Variants in SPATA16 observed in about 807,000 individuals in gnomAD.
SPATA16 encodes spermatogenesis associated 16, also known as spermatogenesis-associated protein 16.
SPATA16 carries 36 observed loss-of-function variants against 63.3 expected under a neutral mutation model. That is an observed-to-expected ratio of 0.57 (90% CI 0.44 to 0.75). The LOEUF (loss-of-function observed/expected upper bound fraction) is 0.75, where lower values mean the gene tolerates loss of function less well. Ranked by LOEUF, SPATA16 falls within the 30% of genes least tolerant of loss-of-function variation. The pLI is 0.00. For missense variants in SPATA16, 646 were observed against 679.3 expected, an observed-to-expected ratio of 0.95 and a Z score of 0.54; for synonymous variants, 203 against 216.7, an observed-to-expected ratio of 0.94 and a Z score of 0.56.
chr3:172,968,257 C>A (rs9876188), intron 5 of SPATA16, among the ~76,000 whole-genome samples: 10,149 of 152,230 alleles, frequency 0.067, 391 homozygotes, highest in Non-Finnish European at 0.078. Flanking sequence ...CCCTCAAATT[C>A]TTGTATGATC....
Position 173,111,804 on chromosome 3 carries a change from G to T in SPATA16, c.612+5316C>A, listed in dbSNP as rs1737756062. On this transcript the variant is annotated intron_variant, in intron 2 of 10. Transcript: ENST00000351008. ...AATCTCATAAGAAGGTCCTGGTGTG[G>T]GTTCAATCATGTTGGATACCTAACA... Among the ~76,000 whole-genome samples the T allele has an allele frequency of 2.0e-5, 3 of 152,076 alleles. No homozygotes were observed. In the South Asian group the frequency reaches 6.2e-4, roughly 32 times the overall value.
At chr3:172,993,981 T>A (rs1734641007) in intron 4 of SPATA16, among the ~76,000 whole-genome samples, 1 of 152,154 alleles carries the variant, frequency 6.6e-6, no homozygotes, top group South Asian at 2.1e-4. Flanking sequence ...TTAGGGAAAT[T>A]CAAGTCATGG....
At chr3:173,070,392 C>A (rs28842651) in intron 2 of SPATA16, among the ~76,000 whole-genome samples, 5 of 121,972 alleles carry the variant, frequency 4.1e-5, no homozygotes, top group South Asian at 2.8e-4. Flanking sequence ...AAGACTCTGT[C>A]TCAAAAAAAA....
intron 5 of SPATA16, among the ~76,000 whole-genome samples, chr3:172,960,620 T>C (rs1303188865): frequency 6.6e-6 from 1 of 152,124 alleles, no homozygotes; most frequent in Non-Finnish European, 1.5e-5. Flanking sequence ...TTGCCCAGGA[T>C]GACTGTACAA....
chr3:172,989,680 A>G lies in SPATA16; in HGVS notation c.849-12628T>C, dbSNP rs942145007. Among the ~76,000 whole-genome samples the G allele has an allele frequency of 5.9e-5, 9 of 152,194 alleles. No homozygotes were observed. The East Asian group carries it at 1.7e-3, about 29-fold the overall frequency. On this transcript the variant is annotated intron_variant, in intron 4 of 10. Transcript: ENST00000351008. ...CCTGTTAAATGTAGTGCATATTAGC[A>G]GTGCCTGATACTTGGGAAGCACTCA...
At chr3:172,918,519 A>G (rs1031711212) in intron 8 of SPATA16, among the ~76,000 whole-genome samples, 1 of 152,098 alleles carries the variant, frequency 6.6e-6, no homozygotes, top group South Asian at 2.1e-4. Context: ...GTTATCAGGA[A>G]ACTGTAGATT....
chr3:172,895,979 G>A (rs76045620), intron 10 of SPATA16, among the ~76,000 whole-genome samples: 14,155 of 151,854 alleles, frequency 0.093, 726 homozygotes, highest in African/African-American at 0.13. Context: ...TATGGTAGCT[G>A]CATATTTAAT....
intron 3 of SPATA16, among the ~76,000 whole-genome samples, chr3:173,040,625 A>G (rs746041973): frequency 6.6e-5 from 10 of 152,180 alleles, no homozygotes; most frequent in Non-Finnish European, 1.5e-4. Context: ...ATAACCTGCA[A>G]GAGAAGTCCT....
intron 3 of SPATA16, among the ~76,000 whole-genome samples, chr3:173,023,190 C>G (rs1735376989): frequency 6.8e-6 from 1 of 148,112 alleles, no homozygotes. Context: ...TTATTAAGCC[C>G]TAAATTTGTA....
At chr3:173,124,020 C>A (rs1007619739) in intron 1 of SPATA16, among the ~76,000 whole-genome samples, 1 of 152,164 alleles carries the variant, frequency 6.6e-6, no homozygotes, top group African/African-American at 2.4e-5. Flanking sequence ...AAAACTTCTA[C>A]ATGAATGGAT....
intron 10 of SPATA16, among the ~76,000 whole-genome samples, chr3:172,902,124 G>A (rs184777978): frequency 2.0e-4 from 31 of 152,204 alleles, no homozygotes; most frequent in African/African-American, 6.0e-4. Flanking sequence ...TGAAACCTCC[G>A]CCTCTCGGGT....
intron 10 of SPATA16, among the ~76,000 whole-genome samples, chr3:172,908,454 G>A (rs546844744): frequency 6.6e-6 from 1 of 152,182 alleles, no homozygotes; most frequent in South Asian, 2.1e-4. Flanking sequence ...ACTCTGTAAA[G>A]AATATATTTC....
chr3:173,087,326 A>C (rs1577167523), intron 2 of SPATA16, among the ~76,000 whole-genome samples: 1 of 152,164 alleles, frequency 6.6e-6, no homozygotes, highest in East Asian at 1.9e-4. Context: ...AGTCTATTTC[A>C]TCAGAAACTA....
In SPATA16 at chr3:173,026,605, T is replaced by C. The variant is rs530989905; in HGVS notation, c.759-7030A>G. Among the ~76,000 whole-genome samples, 7 of 152,066 alleles carry C rather than the reference T, an allele frequency of 4.6e-5. No homozygotes were observed. In the South Asian group the frequency reaches 1.4e-3, roughly 31 times the overall value. On this transcript the variant is annotated intron_variant, in intron 3 of 10. Transcript: ENST00000351008. ...CTATTGGAGTTGAATTTGTTTATGG[T>C]GTGAGGTAAAGATAAAGACATTTTA...
At chr3:173,010,474 GTT>G in intron 4 of SPATA16, among the ~76,000 whole-genome samples, 1 of 150,196 alleles carries the variant, frequency 6.7e-6, no homozygotes, top group Non-Finnish European at 1.5e-5. Flanking sequence ...GTGTGTGTTT[GTT>G]TTTGTTTTTG....
At chr3:173,049,312 TTAAG>T (rs142150303) in intron 2 of SPATA16, among the ~76,000 whole-genome samples, 4,181 of 152,268 alleles carry the variant, frequency 0.027, 193 homozygotes, top group African/African-American at 0.096. Flanking sequence ...CTGTTCACTA[TTAAG>T]TGAGTGACTG....
chr3:173,107,937 C>G (rs1313320061), intron 2 of SPATA16, among the ~76,000 whole-genome samples: 1 of 152,116 alleles, frequency 6.6e-6, no homozygotes, highest in Non-Finnish European at 1.5e-5. Flanking sequence ...CCTAAACAGT[C>G]TTCAAACTGA....
At chr3:173,108,036 A>G (rs571922170) in intron 2 of SPATA16, among the ~76,000 whole-genome samples, 47 of 152,308 alleles carry the variant, frequency 3.1e-4, no homozygotes, top group Non-Finnish European at 6.0e-4. Context: ...TAAAAATTTC[A>G]TTAACATTTA....
intron 4 of SPATA16, among the ~76,000 whole-genome samples, chr3:172,978,526 A>G (rs1429651028): frequency 6.6e-6 from 1 of 152,198 alleles, no homozygotes; most frequent in Non-Finnish European, 1.5e-5. Flanking sequence ...AAATCGATGG[A>G]AAATATAGAA....
Sources: allele counts gnomAD v4.1 joint callset (sites outside exome capture counted in the v4.1 genomes callset), GRCh38; gene constraint gnomAD v4.1.1; transcripts MANE v1.5; gene names NCBI Gene and HGNC (gene_info 2026-07-23, HGNC 2026-07-21).